The following SETD1A variants were observed in gnomAD, a reference collection of about 807,000 sequenced individuals.
The protein encoded by SETD1A is SET domain containing 1A, histone lysine methyltransferase, also known as histone-lysine N-methyltransferase SETD1A.
Under a neutral mutation model 149.9 loss-of-function variants are expected in SETD1A, and 29 were observed. The ratio of observed to expected loss-of-function variants is 0.19; its 90% CI spans 0.14 to 0.26. The LOEUF is 0.26. SETD1A is among the 10% of genes least tolerant of loss of function. The pLI, the probability that SETD1A is intolerant of heterozygous loss-of-function variation, is 1.00. For missense variants in SETD1A, 2,109 were observed against 2,353.1 expected, an observed-to-expected ratio of 0.90 and a Z score of 2.15; for synonymous variants, 1,141 against 968.5, an observed-to-expected ratio of 1.18 and a Z score of -3.31.
At position 30,979,350 on chromosome 16, in the gene SETD1A, G is replaced by A; in HGVS notation, c.3564G>A (p.Gln1188=). Residue 1188 remains glutamine (Q), a synonymous_variant, in exon 14 of 19, where the codon CAG becomes CAA. Coordinates refer to ENST00000262519, the MANE Select transcript of SETD1A (RefSeq NM_014712.3). The stretch of plus-strand genomic sequence containing the variant: ...AGCCCCCTCCAGCCACACCGCCGCA[G>A]GCCAAGTTTCCCGGCCCAGCCTCCC... ...APEPPPATPP[Q]AKFPGPASRK... is the part of the protein sequence containing the mutation. The A allele has an allele frequency of 1.2e-6, 2 of 1,613,036 alleles. No homozygotes were observed. The highest frequency in any genetic ancestry group is 1.7e-6 in the Non-Finnish European group (2 of 1,179,616).
rs1398021779 is a variant in SETD1A, at chr16:30,964,313, T to C, written c.859T>C (p.Tyr287His). 2 of 1,613,142 alleles carry C rather than the reference T, an allele frequency of 1.2e-6. No individual in the cohort carries two copies. Among genetic ancestry groups the C allele is most frequent in the Admixed American group, 1.7e-5 (1 of 59,970 alleles). The change falls in exon 6 of 19, where the codon TAC (tyrosine) becomes CAC (histidine). Residue 287 changes from tyrosine (Y) to histidine (H), a missense_variant. Transcript: ENST00000262519. The part of the protein sequence containing the change: ...GSTPYSQDSA[Y>H]SSSTTSTSFK... ...CACCCCCTACTCTCAGGACTCTGCC[T>C]ACTCCAGCAGGTACAGAGCAGACCC...
chr16:30,971,852 C>T, intron 13 of SETD1A, 133 bp downstream of exon 13: 5 of 1,182,856 alleles, frequency 4.2e-6, no homozygotes, highest in South Asian at 1.8e-5. Context: ...TCACCATCTC[C>T]TGTCACTACC....
At chr16:30,962,889 G>A (rs2056074221) in intron 4 of SETD1A, among the ~76,000 whole-genome samples, 1 of 152,248 alleles carries the variant, frequency 6.6e-6, no homozygotes, top group Non-Finnish European at 1.5e-5. Flanking sequence ...AGATTACATC[G>A]TGCCACTGCA....
At chr16:30,981,244 C>CAA in intron 17 of SETD1A, 64 bp downstream of exon 17, 1 of 1,595,508 alleles carries the variant, frequency 6.3e-7, no homozygotes. Flanking sequence ...GGGGCTCACA[C>CAA]ACATGCTGTT....
At position 30,980,623 on chromosome 16, in the gene SETD1A, T is replaced by G; in HGVS notation, c.4547T>G (p.Val1516Gly). The G allele has an allele frequency of 6.2e-7, 1 of 1,613,698 alleles. No homozygotes were observed. Among genetic ancestry groups the G allele is most frequent in the Non-Finnish European group, 8.5e-7 (1 of 1,179,994 alleles). The change falls in exon 15 of 19, where the codon GTC becomes GGC. Residue 1516 changes from valine to glycine, a missense_variant. By Grantham distance (109) the Val-to-Gly change is moderately radical. This residue lies in a region of SETD1A where 254 missense variants were observed against 409.3 expected (regional missense o/e 0.62). Coordinates refer to ENST00000262519, the MANE Select transcript of SETD1A (RefSeq NM_014712.3). The surrounding 1 kb of genome is among the most constrained non-coding windows in gnomAD (Gnocchi z 7.7). ...GACAAGTACCTGGACGTGTGCCCAG[T>G]CTCGGCCCGGCAGCTGGAGGGCGTG... ...EKDKYLDVCP[V>G]SARQLEGVDT...
chr16:30,979,020 T>C, intron 13 of SETD1A, 125 bp from the exon 14 acceptor site: 1 of 955,048 alleles, frequency 1.0e-6, no homozygotes, highest in Non-Finnish European at 1.5e-6. Flanking sequence ...CCAGGGCGTC[T>C]GTGTTCCCTC....
intron 13 of SETD1A, among the ~76,000 whole-genome samples, chr16:30,976,723 G>A (rs998612827): frequency 5.9e-5 from 9 of 152,084 alleles, no homozygotes; most frequent in Non-Finnish European, 1.2e-4. Flanking sequence ...GCTGCTTGAG[G>A]GGAGCTGAGG....
intron 1 of SETD1A, 42 bp downstream of exon 1, chr16:30,958,006 G>A (rs996899204): frequency 6.6e-6 from 1 of 151,734 alleles, no homozygotes; most frequent in Non-Finnish European, 1.5e-5. Context: ...AGGTGGTGGT[G>A]GGGGGGCGCC....
rs774540499 is a variant in SETD1A at position 30,979,833 on chromosome 16, C to A, written c.4047C>A (p.Pro1349=). 3 of 1,547,986 alleles carry A rather than the reference C, an allele frequency of 1.9e-6. No homozygotes were observed. Among genetic ancestry groups the A allele is most frequent in the East Asian group, 4.8e-5 (2 of 41,864 alleles). ...TGGTGGTGGCTGAGGCGGAGGAGCC[C>A]AAGCCGCAGCAACTGCAGCAGCAGC... ...PEVVVAEAEE[P]KPQQLQQQRE... is the part of the protein sequence containing the mutation. The change falls in exon 14 of 19, where the codon CCC becomes CCA. Residue 1349 remains proline, a synonymous_variant. Coordinates refer to ENST00000262519, the MANE Select transcript of SETD1A (RefSeq NM_014712.3).
intron 13 of SETD1A, among the ~76,000 whole-genome samples, chr16:30,977,189 C>T (rs1266851577): frequency 6.6e-6 from 1 of 152,200 alleles, no homozygotes; most frequent in Non-Finnish European, 1.5e-5. Flanking sequence ...CATGGTCCAC[C>T]CGCCTCGGCC....
rs1011923470 is a variant in SETD1A, at chr16:30,980,911, A to G, written c.4692+62A>G. The G allele has an allele frequency of 1.3e-6, 2 of 1,558,852 alleles. No homozygotes were observed. The highest frequency in any genetic ancestry group is 1.8e-6 in the Non-Finnish European group (2 of 1,139,552). On this transcript the variant is annotated intron_variant, in intron 16 of 18. Transcript: ENST00000262519. This position sits in a 1 kb window ranked among gnomAD's most constrained non-coding sequence, Gnocchi z 7.7. ...GGTGGGGCAGGAAGGGGCAGAGGCC[A>G]GGGGACCACCCAGCAGGCTCCTGTG... is the stretch of plus-strand genomic sequence containing the variant.
rs1323832123 is a variant in SETD1A at position 30,971,408 on chromosome 16, A to C, written c.3047A>C (p.Lys1016Thr). 2 of 1,599,898 alleles carry C rather than the reference A, an allele frequency of 1.3e-6. No individual in the cohort carries two copies. The highest frequency in any genetic ancestry group is 2.2e-5 in the East Asian group (1 of 44,532). The change falls in exon 13 of 19, where the codon AAA becomes ACA. Residue 1016 changes from lysine (K) to threonine (T), a missense_variant. This residue lies in a region of SETD1A where 832 missense variants were observed against 815.6 expected (regional missense o/e 1.02). Coordinates refer to ENST00000262519, the MANE Select transcript of SETD1A (RefSeq NM_014712.3). ...GACGAGGAAAGCGATTCGTCTTCCAAATGTTCTCTGTATGCTGACTCAGAT... is the reference window on the plus strand; with the variant it reads ...GACGAGGAAAGCGATTCGTCTTCCACATGTTCTCTGTATGCTGACTCAGAT... ...GEDEESDSSS[K>T]CSLYADSDGE...
At chr16:30,979,085 C>T in intron 13 of SETD1A, 60 bp from the exon 14 acceptor site, 1 of 1,472,070 alleles carries the variant, frequency 6.8e-7, no homozygotes, top group Non-Finnish European at 9.0e-7. Flanking sequence ...CATGGGCGGC[C>T]AGGGTGGCTG....
Position 30,961,770 on chromosome 16 carries a change from T to TA in SETD1A, c.517+248dup, listed in dbSNP as rs112861038. Among the ~76,000 whole-genome samples, 1,098 of 140,552 alleles carry TA rather than the reference T, an allele frequency of 7.8e-3. 34 individuals carry two copies. In the South Asian group the frequency reaches 0.11, roughly 14 times the overall value. The allele number at this position is 140,552 out of a possible 152,430, so 92.2% of individuals were successfully genotyped here. A position where few individuals can be genotyped will look rare whatever the true frequency, so the allele number is the denominator to read the frequency against. On this transcript the variant is annotated intron_variant, in intron 4 of 18. Transcript: ENST00000262519. The surrounding 1 kb of genome is among the most constrained non-coding windows in gnomAD (Gnocchi z 4.0). ...CCATAATCAAGCACATAACTATCTG[T>TA]AAAAAAAAAAAAAAATCATATGAAG...
intron 6 of SETD1A, 80 bp downstream of exon 6, chr16:30,964,403 T>TC (rs1401834795): frequency 7.3e-7 from 1 of 1,368,106 alleles, no homozygotes; most frequent in African/African-American, 1.5e-5. Flanking sequence ...AGAGTCTGTC[T>TC]CCAAGAGGGA....
At chr16:30,958,488 C>CT in intron 1 of SETD1A, 1 of 524,062 alleles carries the variant, frequency 1.9e-6, no homozygotes, top group Non-Finnish European at 3.4e-6. Context: ...TAAGGGGGCT[C>CT]GAGACGGGCC....
rs2056154060 is a variant in SETD1A, at chr16:30,966,822, C to G, written c.2506-62C>G. 11 of 1,481,422 alleles carry G rather than the reference C, an allele frequency of 7.4e-6. No individual in the cohort carries two copies. In the South Asian group the frequency reaches 1.1e-4, roughly 15 times the overall value. 91.8% of individuals were successfully genotyped at this position (1,481,422 alleles called of 1,614,324 possible). On this transcript the variant is annotated intron_variant, in intron 8 of 18. Transcript: ENST00000262519. ...GTATTCCTGGGGTCCGGGAGTAGGT[C>G]TCAGGCAGGAGGGAATGCCTGGGTT...
At position 30,964,125 on chromosome 16, in the gene SETD1A, C is replaced by T; in HGVS notation, c.671C>T (p.Thr224Ile). ...AESRRRSSSD[T>I]AAYPAGTTAV... ...TCCCGCCGCCGCTCTTCCTCTGACA[C>T]AGCTGCCTACCCAGCAGGCACCACT... Residue 224 changes from threonine to isoleucine, a missense_variant, in exon 6 of 19, where the codon ACA becomes ATA. Thr to Ile is a moderately conservative substitution (Grantham distance 89, BLOSUM62 -1). This residue lies in a region of SETD1A where 410 missense variants were observed against 394.8 expected (regional missense o/e 1.04). Coordinates refer to ENST00000262519, the MANE Select transcript of SETD1A (RefSeq NM_014712.3). 1.2e-6 allele frequency: 2 copies of T among 1,614,058 alleles called. No individual in the cohort carries two copies. The highest frequency in any genetic ancestry group is 1.6e-4 in the Middle Eastern group (1 of 6,062).
At chr16:30,977,039 C>G (rs1394884223) in intron 13 of SETD1A, among the ~76,000 whole-genome samples, 2 of 152,096 alleles carry the variant, frequency 1.3e-5, no homozygotes, top group Non-Finnish European at 2.9e-5. Flanking sequence ...CCTCAGCCTC[C>G]CAGGTTCAAG....
Sources: allele counts gnomAD v4.1 joint callset (sites outside exome capture counted in the v4.1 genomes callset), GRCh38; gene constraint gnomAD v4.1.1; regional missense constraint gnomAD v4.1.1; non-coding constraint Gnocchi (gnomAD v3.1); transcripts MANE v1.5; gene names NCBI Gene and HGNC (gene_info 2026-07-23, HGNC 2026-07-21).